The following MYT1L variants were observed in gnomAD, a reference collection of about 807,000 sequenced individuals.
MYT1L encodes the protein myelin transcription factor 1 like, also known as myelin transcription factor 1-like protein.
MYT1L carries 12 observed loss-of-function variants against 126.7 expected under a neutral mutation model. The observed-to-expected ratio is 0.09, with a 90% confidence interval of 0.06 to 0.15. The LOEUF is 0.15. Among genes scored for constraint, MYT1L ranks in the 10% least tolerant of loss-of-function variants. The pLI, the probability that MYT1L is intolerant of heterozygous loss-of-function variation, is 1.00. For synonymous variants in MYT1L, 541 were observed against 604.2 expected (o/e 0.90, Z 1.53); for missense variants, 979 against 1,585.2 (o/e 0.62, Z 6.49).
At chr2:2,294,851 A>G (rs975177904) in intron 1 of MYT1L, among the ~76,000 whole-genome samples, 5 of 152,222 alleles carry the variant, frequency 3.3e-5, no homozygotes, top group Non-Finnish European at 4.4e-5. Flanking sequence ...ATTATACTAC[A>G]TTATATTATA....
intron 2 of MYT1L, among the ~76,000 whole-genome samples, chr2:2,187,526 A>G (rs1351525273): frequency 6.6e-6 from 1 of 151,838 alleles, no homozygotes; most frequent in East Asian, 2.0e-4. Flanking sequence ...AGAGGGAGGA[A>G]GCCAGCCTCG....
chr2:2,214,695 C>A (rs1315367076), intron 2 of MYT1L, among the ~76,000 whole-genome samples: 1 of 152,136 alleles, frequency 6.6e-6, no homozygotes, highest in Non-Finnish European at 1.5e-5. Flanking sequence ...GTGTCACCAG[C>A]AGACTGGGCC....
At chr2:2,255,944 C>T (rs915120726) in intron 2 of MYT1L, among the ~76,000 whole-genome samples, 2 of 152,196 alleles carry the variant, frequency 1.3e-5, no homozygotes, top group African/African-American at 4.8e-5. Flanking sequence ...TTCATGGCAA[C>T]AGCCTTGCTT....
chr2:1,804,323 T>C lies in MYT1L; in HGVS notation c.3173-2524A>G, dbSNP rs2035352140. On this transcript the variant is annotated intron_variant, in intron 22 of 24. Coordinates refer to ENST00000647738, the MANE Select transcript of MYT1L (RefSeq NM_001303052.2). ...TTTTAGTAGAGATGGGGTTTCACCA[T>C]GTTGGCCAGGCTGGTCTTGAACTCC... Among the ~76,000 whole-genome samples, 4 of 152,298 alleles carry C rather than the reference T, an allele frequency of 2.6e-5. No individual in the cohort carries two copies. The South Asian group carries it at 8.3e-4, about 32-fold the overall frequency.
Position 1,887,795 on chromosome 2 carries a change from A to T in MYT1L, c.2521-186T>A, listed in dbSNP as rs528776646. 6.6e-6 allele frequency among the ~76,000 whole-genome samples: 1 copy of T among 152,154 alleles called. No individual in the cohort carries two copies. The highest frequency in any genetic ancestry group is 2.1e-4 in the South Asian group (1 of 4,830). The stretch of plus-strand genomic sequence containing the variant: ...TATTGAACTTTTCTTCCACTGCTCT[A>T]AACTCCTAAAATGATGGTCACCTGT... On this transcript the variant is annotated intron_variant, in intron 16 of 24. Coordinates refer to ENST00000647738, the MANE Select transcript of MYT1L (RefSeq NM_001303052.2). The surrounding 1 kb of genome is among the most constrained non-coding windows in gnomAD (Gnocchi z 4.8).
chr2:2,196,851 A>G (rs115714713), intron 2 of MYT1L, among the ~76,000 whole-genome samples: 1,741 of 152,222 alleles, frequency 0.011, 40 homozygotes, highest in African/African-American at 0.039. Context: ...AATGCAACCC[A>G]TTAATAATTA....
chr2:2,168,241 TA>T (rs1175340288), intron 3 of MYT1L, among the ~76,000 whole-genome samples: 1 of 152,118 alleles, frequency 6.6e-6, no homozygotes, highest in Non-Finnish European at 1.5e-5. Flanking sequence ...GGATGTGCAG[TA>T]AAAAAGACGG....
rs180856918 is a variant in MYT1L, at chr2:2,118,363, C to T, written c.-304+54509G>A. Among the ~76,000 whole-genome samples, 10 of 152,174 alleles carry T rather than the reference C, an allele frequency of 6.6e-5. No individual in the cohort carries two copies. The East Asian group carries it at 1.3e-3, about 21-fold the overall frequency. On this transcript the variant is annotated intron_variant, in intron 3 of 24. Transcript: ENST00000647738. ...AGATAATCCTATTCTACTTGAAGTC[C>T]TAATTGAAGATAACTTAAGCAAAAT...
intron 1 of MYT1L, among the ~76,000 whole-genome samples, chr2:2,311,869 A>C (rs1475956733): frequency 6.6e-6 from 1 of 152,222 alleles, no homozygotes; most frequent in Non-Finnish European, 1.5e-5. Flanking sequence ...CAATGTATTA[A>C]CAAGTTATGC....
At chr2:2,245,467 C>A (rs1374494166) in intron 2 of MYT1L, among the ~76,000 whole-genome samples, 1 of 151,992 alleles carries the variant, frequency 6.6e-6, no homozygotes, top group Admixed American at 6.6e-5. Context: ...ACATTTAAAC[C>A]AGGAATTCAG....
intron 4 of MYT1L, among the ~76,000 whole-genome samples, chr2:2,028,612 T>C (rs1229317101): frequency 1.3e-5 from 2 of 152,204 alleles, no homozygotes; most frequent in African/African-American, 2.4e-5. Context: ...ACAAAAATTA[T>C]CATCATGGTT....
At chr2:2,218,645 A>G (rs527688164) in intron 2 of MYT1L, among the ~76,000 whole-genome samples, 1 of 150,932 alleles carries the variant, frequency 6.6e-6, no homozygotes, top group African/African-American at 2.4e-5. Context: ...GTGGTGATGC[A>G]TGGGGATCTA....
chr2:2,141,057 C>A (rs917930706), intron 3 of MYT1L, among the ~76,000 whole-genome samples: 1 of 152,118 alleles, frequency 6.6e-6, no homozygotes, highest in Non-Finnish European at 1.5e-5. Context: ...AAACATTATG[C>A]ATGCTCTTGT....
intron 23 of MYT1L, among the ~76,000 whole-genome samples, chr2:1,799,767 TTATAATCCC>T (rs1168787793): frequency 1.3e-5 from 2 of 152,192 alleles, no homozygotes; most frequent in East Asian, 3.9e-4. Context: ...TCACCTCGAA[TTATAATCCC>T]TATAATTCCC....
At chr2:2,226,365 T>C (rs2094009649) in intron 2 of MYT1L, among the ~76,000 whole-genome samples, 1 of 152,196 alleles carries the variant, frequency 6.6e-6, no homozygotes, top group East Asian at 1.9e-4. Context: ...TAAAATTAGA[T>C]GGATGGAATA....
intron 1 of MYT1L, among the ~76,000 whole-genome samples, chr2:2,311,088 G>GT (rs1170763105): frequency 6.6e-6 from 1 of 152,176 alleles, no homozygotes; most frequent in Non-Finnish European, 1.5e-5. Flanking sequence ...GGTCTCAGCT[G>GT]TTTCTTGTGG....
chr2:2,090,456 G>A (rs939293321), intron 3 of MYT1L, among the ~76,000 whole-genome samples: 3 of 152,082 alleles, frequency 2.0e-5, no homozygotes, highest in Non-Finnish European at 4.4e-5. Context: ...TTGCTTTATT[G>A]CTCAATAATT....
chr2:1,893,000 T>A (rs1054130441), intron 14 of MYT1L, among the ~76,000 whole-genome samples: 4 of 151,962 alleles, frequency 2.6e-5, no homozygotes, highest in African/African-American at 9.7e-5. Context: ...AACACCTGAG[T>A]GGCCACTTGG....
chr2:1,980,237 T>TA (rs2060502704), intron 5 of MYT1L, among the ~76,000 whole-genome samples: 1 of 147,748 alleles, frequency 6.8e-6, no homozygotes, highest in Non-Finnish European at 1.5e-5. Context: ...ATATATTTTG[T>TA]ATATATATAC....
Sources: gnomAD v4.1 joint callset for allele counts (sites outside exome capture counted in the v4.1 genomes callset) on GRCh38, gnomAD v4.1.1 for gene constraint, Gnocchi (gnomAD v3.1) non-coding constraint, MANE v1.5 for transcripts, NCBI Gene and HGNC (gene_info 2026-07-23, HGNC 2026-07-21) for gene names.